Variants in PPP1R9A observed in about 807,000 individuals in gnomAD.
The protein encoded by PPP1R9A is protein phosphatase 1 regulatory subunit 9A, also known as neurabin-1.
Under a neutral mutation model 141.9 loss-of-function variants are expected in PPP1R9A, and 59 were observed. That is an observed-to-expected ratio of 0.42 (90% CI 0.34 to 0.52). The LOEUF is 0.52. PPP1R9A is among the 20% of genes least tolerant of loss of function. The pLI is 0.10. For missense variants in PPP1R9A, 1,444 were observed against 1,611.9 expected (o/e 0.90, Z 1.78); for synonymous variants, 500 against 569.7 (o/e 0.88, Z 1.74).
At chr7:95,214,968 T>C (rs1792984522) in intron 7 of PPP1R9A, among the ~76,000 whole-genome samples, 1 of 151,934 alleles carries the variant, frequency 6.6e-6, no homozygotes, top group Non-Finnish European at 1.5e-5. Context: ...CAGGAAATAT[T>C]CTTTTTTTTT....
intron 2 of PPP1R9A, among the ~76,000 whole-genome samples, chr7:95,101,237 T>C (rs1818759130): frequency 6.6e-6 from 1 of 152,218 alleles, no homozygotes; most frequent in Non-Finnish European, 1.5e-5. Flanking sequence ...GCCCCAAATC[T>C]TGTGTTTTTA....
intron 2 of PPP1R9A, among the ~76,000 whole-genome samples, chr7:95,008,971 G>T (rs538293952): frequency 6.6e-6 from 1 of 152,062 alleles, no homozygotes; most frequent in Admixed American, 6.5e-5. Flanking sequence ...CTATGCAGCC[G>T]TAAAAAAGGT....
intron 2 of PPP1R9A, among the ~76,000 whole-genome samples, chr7:95,109,145 T>C (rs1478973223): frequency 1.3e-5 from 2 of 152,234 alleles, no homozygotes; most frequent in African/African-American, 4.8e-5. Flanking sequence ...TGTGTGTATA[T>C]ATATTTTGGT....
intron 6 of PPP1R9A, among the ~76,000 whole-genome samples, chr7:95,203,161 C>T (rs1789953747): frequency 1.3e-5 from 2 of 150,810 alleles, no homozygotes; most frequent in South Asian, 2.1e-4. Flanking sequence ...ATTATAGCAA[C>T]TTTTTTTTTA....
chr7:95,134,901 G>T (rs1825363870), intron 4 of PPP1R9A, among the ~76,000 whole-genome samples: 1 of 152,062 alleles, frequency 6.6e-6, no homozygotes, highest in Admixed American at 6.5e-5. Context: ...CTTTGTGAGG[G>T]TCATATTGCC....
chr7:95,164,233 A>G (rs1830851285), intron 5 of PPP1R9A, among the ~76,000 whole-genome samples: 1 of 152,160 alleles, frequency 6.6e-6, no homozygotes, highest in Admixed American at 6.5e-5. Flanking sequence ...CCTTGCCAGC[A>G]TTTGTTGTCA....
intron 7 of PPP1R9A, among the ~76,000 whole-genome samples, chr7:95,206,899 C>T (rs1156307895): frequency 2.0e-5 from 3 of 152,018 alleles, no homozygotes; most frequent in Admixed American, 2.0e-4. Context: ...AGCTGGAACC[C>T]CATGGACTAC....
chr7:95,028,210 C>G (rs1807165377), intron 2 of PPP1R9A, among the ~76,000 whole-genome samples: 5 of 152,108 alleles, frequency 3.3e-5, no homozygotes, highest in Non-Finnish European at 4.4e-5. Context: ...TATATTTAAT[C>G]ATACAACTCA....
intron 2 of PPP1R9A, among the ~76,000 whole-genome samples, chr7:94,930,801 T>A (rs1281800098): frequency 1.3e-5 from 2 of 152,154 alleles, no homozygotes; most frequent in African/African-American, 4.8e-5. Flanking sequence ...TTATTTCTGG[T>A]AAAGTAGGTT....
chr7:95,175,975 C>T (rs1832842510), intron 5 of PPP1R9A, among the ~76,000 whole-genome samples: 1 of 152,042 alleles, frequency 6.6e-6, no homozygotes, highest in South Asian at 2.1e-4. Context: ...TAGATTGCAG[C>T]TCTGACTTGG....
intron 4 of PPP1R9A, among the ~76,000 whole-genome samples, chr7:95,130,389 G>A (rs550485982): frequency 6.6e-6 from 1 of 152,224 alleles, no homozygotes; most frequent in Non-Finnish European, 1.5e-5. Flanking sequence ...CCTTTGCCTA[G>A]ATTTCAGAGG....
chr7:94,947,117 T>G (rs149934582), intron 2 of PPP1R9A, among the ~76,000 whole-genome samples: 48 of 152,308 alleles, frequency 3.2e-4, no homozygotes, highest in African/African-American at 9.9e-4. Context: ...AAGTGAAAGT[T>G]GTTACTTTAT....
chr7:95,013,841 T>C (rs1035392054), intron 2 of PPP1R9A, among the ~76,000 whole-genome samples: 1 of 152,144 alleles, frequency 6.6e-6, no homozygotes, highest in South Asian at 2.1e-4. Context: ...ATTTTCTCTT[T>C]ACTTTTCTAA....
intron 7 of PPP1R9A, among the ~76,000 whole-genome samples, chr7:95,222,475 A>G (rs1284207901): frequency 6.6e-6 from 1 of 152,158 alleles, no homozygotes; most frequent in East Asian, 1.9e-4. Context: ...GTAAGTTGCA[A>G]AAGTATTGCT....
At position 95,089,512 on chromosome 7, in the gene PPP1R9A, G is replaced by A. The variant is rs186970200; in HGVS notation, c.1396-21747G>A. On this transcript the variant is annotated intron_variant, in intron 2 of 19. Coordinates refer to ENST00000433360, the MANE Select transcript of PPP1R9A (RefSeq NM_001166160.2). ...AGATTAGACCAGATATGGCAAATAC[G>A]TTTCTTTTGTCCTTCCCTTAAATTG... 8.5e-5 allele frequency among the ~76,000 whole-genome samples: 13 copies of A among 152,124 alleles called. No individual in the cohort carries two copies. In the East Asian group the frequency reaches 1.4e-3, roughly 16 times the overall value.
At chr7:94,971,508 T>C (rs982921404) in intron 2 of PPP1R9A, among the ~76,000 whole-genome samples, 1 of 152,232 alleles carries the variant, frequency 6.6e-6, no homozygotes, top group African/African-American at 2.4e-5. Flanking sequence ...CTCTTAACTC[T>C]TATTTAGACT....
chr7:95,036,657 A>G (rs1808462938), intron 2 of PPP1R9A: 2 of 152,236 alleles, frequency 1.3e-5, no homozygotes, highest in Non-Finnish European at 1.5e-5. Context: ...GCATTTCTTT[A>G]TCTTTGTTTG....
At position 94,936,043 on chromosome 7, in the gene PPP1R9A, C is replaced by T. The variant is rs181890446; in HGVS notation, c.1395+24535C>T. ...TAAAAGAAGATTTGAGCAGTAATTT[C>T]ATCCCTTAGAGAAAGCCCATTTGGG... is the stretch of plus-strand genomic sequence containing the variant. On this transcript the variant is annotated intron_variant, in intron 2 of 19. Transcript: ENST00000433360. Among the ~76,000 whole-genome samples the T allele has an allele frequency of 1.5e-3, 235 of 152,264 alleles. 2 individuals are homozygous for T. The highest frequency in any genetic ancestry group is 5.4e-3 in the African/African-American group (225 of 41,560).
rs1563044995 is a variant in PPP1R9A, at chr7:94,956,691, G to A, written c.1395+45183G>A. Among the ~76,000 whole-genome samples, 5 of 152,158 alleles carry A rather than the reference G, an allele frequency of 3.3e-5. No individual in the cohort carries two copies. In the East Asian group the frequency reaches 9.7e-4, roughly 29 times the overall value. ...CTACTGCACTCCAGCCTGGGCAACA[G>A]GGTGAGACCTTGTCTCCTAAGGAAA... On this transcript the variant is annotated intron_variant, in intron 2 of 19. Coordinates refer to ENST00000433360, the MANE Select transcript of PPP1R9A (RefSeq NM_001166160.2).
Sources: gnomAD v4.1 joint callset for allele counts (sites outside exome capture counted in the v4.1 genomes callset) on GRCh38, gnomAD v4.1.1 for gene constraint, MANE v1.5 for transcripts, NCBI Gene and HGNC (gene_info 2026-07-23, HGNC 2026-07-21) for gene names.